The following NWD1 variants were observed in gnomAD, a reference collection of about 807,000 sequenced individuals.
The protein encoded by NWD1 is NACHT and WD repeat domain containing 1.
NWD1 carries 129 observed loss-of-function variants against 135.1 expected under a neutral mutation model. The ratio of observed to expected loss-of-function variants is 0.96; its 90% CI spans 0.83 to 1.11. The LOEUF is 1.11. Ranked by LOEUF, NWD1 falls within the 50% of genes least tolerant of loss-of-function variation. The pLI, the probability that NWD1 is intolerant of heterozygous loss-of-function variation, is 0.00. For missense variants in NWD1, 1,740 were observed against 1,851.3 expected (o/e 0.94, Z 1.10); for synonymous variants, 773 against 786.0 (o/e 0.98, Z 0.28).
chr19:16,796,920 T>C (rs1363168644), intron 15 of NWD1, among the ~76,000 whole-genome samples: 1 of 152,182 alleles, frequency 6.6e-6, no homozygotes, highest in African/African-American at 2.4e-5. Flanking sequence ...GGCTCAGGCC[T>C]GTAATCCCAG....
chr19:16,770,624 C>T (rs1969383065), intron 10 of NWD1, among the ~76,000 whole-genome samples: 1 of 152,082 alleles, frequency 6.6e-6, no homozygotes. Context: ...TCCCCCTGCC[C>T]CACAGCCCTC....
rs764529017 is a variant in NWD1 at position 16,807,923 on chromosome 19, G to A, written c.4074G>A (p.Thr1358=). 23 of 1,614,096 alleles carry A rather than the reference G, an allele frequency of 1.4e-5. No individual in the cohort carries two copies. The highest frequency in any genetic ancestry group is 2.2e-5 in the East Asian group (1 of 44,882). ...CCCTCTCCAGCGTGGCCATTCTGAC[G>A]GACTACCGCGTGGTCTACAGCATGA... ...PETLSSVAIL[T]DYRVVYSMTN... The change falls in exon 18 of 19, where the codon ACG becomes ACA. Residue 1358 remains threonine (T), a synonymous_variant. Transcript: ENST00000524140.
intron 11 of NWD1, among the ~76,000 whole-genome samples, chr19:16,774,088 CCCACCCATCCATTCAT>C (rs1300538859): frequency 7.4e-4 from 111 of 149,146 alleles, no homozygotes; most frequent in African/African-American, 2.6e-3. Context: ...CGTCCTCCCA[CCCACCCATCCATTCAT>C]CCACCCATCT....
chr19:16,747,386 AT>A (rs56990164), intron 5 of NWD1, among the ~76,000 whole-genome samples: 1 of 122,806 alleles, frequency 8.1e-6, no homozygotes. Context: ...TATTTATTTA[AT>A]TTTTTTTGAG....
chr19:16,811,981 AC>A (rs567782568), intron 18 of NWD1, among the ~76,000 whole-genome samples: 21 of 152,188 alleles, frequency 1.4e-4, no homozygotes, highest in Non-Finnish European at 2.6e-4. Context: ...AGGCTACTGC[AC>A]CTCAGCCTCA....
chr19:16,774,502 T>C (rs567773387), intron 11 of NWD1, among the ~76,000 whole-genome samples: 29 of 151,402 alleles, frequency 1.9e-4, no homozygotes, highest in Non-Finnish European at 3.8e-4. Context: ...CATCTATCCA[T>C]CTACCCTACC....
intron 7 of NWD1, among the ~76,000 whole-genome samples, chr19:16,761,664 G>T (rs1358321610): frequency 6.6e-6 from 1 of 152,124 alleles, no homozygotes; most frequent in Non-Finnish European, 1.5e-5. Flanking sequence ...CACCCAGCCT[G>T]AACACCTGTT....
At chr19:16,787,892 A>C (rs1970093778) in intron 12 of NWD1, among the ~76,000 whole-genome samples, 2 of 79,032 alleles carry the variant, frequency 2.5e-5, no homozygotes, top group Non-Finnish European at 4.7e-5. Context: ...TAATAATAAT[A>C]ATAATAATAA....
chr19:16,750,109 C>G lies in NWD1; in HGVS notation c.1467C>G (p.Tyr489Ter), dbSNP rs140771991. ...GGGTGCTCCTGGACCCGGAGGCCTA[C>G]TGGGAGGTGAAGCCCCTTTCCGGAA... ...LQRVLLDPEA[Y>*]WEVKPLSGNQ... The change falls in exon 6 of 19, where the codon TAC (tyrosine) becomes TAG (stop). Residue 489 changes from tyrosine (Y) to a stop codon, truncating the protein, a stop_gained. Transcript: ENST00000524140. LOFTEE classifies it high-confidence loss of function. 6 of 1,613,940 alleles carry G rather than the reference C, an allele frequency of 3.7e-6. No individual in the cohort carries two copies. The African/African-American group carries it at 8.0e-5, about 22-fold the overall frequency.
chr19:16,762,897 A>G (rs1000855537), intron 8 of NWD1, among the ~76,000 whole-genome samples: 3 of 150,014 alleles, frequency 2.0e-5, no homozygotes, highest in East Asian at 2.0e-4. Context: ...CGATTCTCCC[A>G]CTCAGCCTCC....
At chr19:16,802,024 G>A (rs1177130803) in intron 17 of NWD1, among the ~76,000 whole-genome samples, 2 of 151,706 alleles carry the variant, frequency 1.3e-5, no homozygotes, top group African/African-American at 4.8e-5. Context: ...GGTGGCTCAC[G>A]CCTGTAGTCC....
At chr19:16,727,739 T>C (rs1435715910) in intron 2 of NWD1, 2 of 153,074 alleles carry the variant, frequency 1.3e-5, no homozygotes, top group African/African-American at 4.8e-5. Flanking sequence ...GTCAGGGCAA[T>C]GGGCACAGCT....
intron 4 of NWD1, among the ~76,000 whole-genome samples, chr19:16,742,841 T>C (rs1258146760): frequency 6.7e-6 from 1 of 149,902 alleles, no homozygotes; most frequent in Non-Finnish European, 1.5e-5. Flanking sequence ...TGGCTATTTT[T>C]AAAAAAATTT....
At chr19:16,787,910 C>A (rs71336790) in intron 12 of NWD1, among the ~76,000 whole-genome samples, 2,243 of 96,384 alleles carry the variant, frequency 0.023, 18 homozygotes, top group East Asian at 0.042. Context: ...TAATAATCAT[C>A]ATCATCATCA....
At chr19:16,732,904 T>C (rs1306571120) in intron 3 of NWD1, among the ~76,000 whole-genome samples, 1 of 146,002 alleles carries the variant, frequency 6.8e-6, no homozygotes, top group Non-Finnish European at 1.5e-5. Context: ...ATGAGAATGA[T>C]TCATTGCACC....
At position 16,759,277 on chromosome 19, in the gene NWD1, G is replaced by C. The variant is rs771873115; in HGVS notation, c.1822G>C (p.Val608Leu). Residue 608 changes from valine to leucine, a missense_variant, in exon 7 of 19, where the codon GTC (valine) becomes CTC (leucine). By Grantham distance (32) the Val-to-Leu change is conservative. Coordinates refer to ENST00000524140, the MANE Select transcript of NWD1 (RefSeq NM_001007525.5). ...LKDVLSLDDE[V>L]LQDVYRDWTP... ...GGATGTTTTGTCCCTGGACGACGAG[G>C]TCCTGCAGGATGTGTACCGAGATTG... 27 of 1,614,154 alleles carry C rather than the reference G, an allele frequency of 1.7e-5. No homozygotes were observed. The South Asian group carries it at 3.0e-4, about 18-fold the overall frequency.
At position 16,775,074 on chromosome 19, in the gene NWD1, G is replaced by A. The variant is rs551604489; in HGVS notation, c.2608+1751G>A. 2.6e-5 allele frequency among the ~76,000 whole-genome samples: 4 copies of A among 152,224 alleles called. No individual in the cohort carries two copies. The East Asian group carries it at 7.7e-4, about 29-fold the overall frequency. ...GATTGTGAGACCACTGAGTTCACTT[G>A]TGGTTCAAATGTCAGAGCTCCTTAC... On this transcript the variant is annotated intron_variant, in intron 11 of 18. Transcript: ENST00000524140.
intron 17 of NWD1, among the ~76,000 whole-genome samples, chr19:16,803,497 A>G (rs999565342): frequency 1.3e-5 from 2 of 152,174 alleles, no homozygotes; most frequent in South Asian, 2.1e-4. Flanking sequence ...AGCAACACCA[A>G]TGAACTAAGA....
intron 3 of NWD1, among the ~76,000 whole-genome samples, chr19:16,735,863 AAGG>A (rs375121120): frequency 0.36 from 25,623 of 71,910 alleles, 3,187 homozygotes; most frequent in Middle Eastern, 0.44. Flanking sequence ...GGAAGGAAGG[AAGG>A]AGGAAGGAAG....
Sources: allele counts gnomAD v4.1 joint callset (sites outside exome capture counted in the v4.1 genomes callset), GRCh38; gene constraint gnomAD v4.1.1; transcripts MANE v1.5; gene names NCBI Gene and HGNC (gene_info 2026-07-23, HGNC 2026-07-21).